Variants in ADORA2B observed in about 807,000 individuals in gnomAD.
The protein encoded by ADORA2B is adenosine receptor A2b.
ADORA2B carries 18 observed loss-of-function variants against 20.8 expected under a neutral mutation model. The observed-to-expected ratio is 0.87, with a 90% CI of 0.60 to 1.29. The LOEUF is 1.29. ADORA2B is among the 50% of genes most tolerant of loss of function. ADORA2B has a pLI of 0.00. For missense variants in ADORA2B, 441 were observed against 422.7 expected (o/e 1.04, Z -0.38); for synonymous variants, 179 against 178.3 (o/e 1.00, Z -0.03).
chr17:15,935,783 G>A, the ADORA2B span, among the ~76,000 whole-genome samples: 76 of 151,146 alleles, frequency 5.0e-4, no homozygotes, highest in East Asian at 0.014. Flanking sequence ...ATTGACCAGT[G>A]CATTCAAGTT....
At chr17:15,914,888 C>A in the ADORA2B span, among the ~76,000 whole-genome samples, 4 of 152,224 alleles carry the variant, frequency 2.6e-5, no homozygotes, top group Admixed American at 2.6e-4. Context: ...TTAGGCAACT[C>A]TCCTCAAAGT....
upstream of ADORA2B, among the ~76,000 whole-genome samples, chr17:15,944,061 C>T (rs531172542): frequency 8.5e-5 from 13 of 152,216 alleles, no homozygotes; most frequent in African/African-American, 2.9e-4. The surrounding 1 kb of genome is among the most constrained non-coding windows in gnomAD (Gnocchi z 4.8). Flanking sequence ...AAGCAAGTCT[C>T]TGGAAGCAGA....
the ADORA2B span, among the ~76,000 whole-genome samples, chr17:15,922,427 A>C: frequency 6.6e-6 from 1 of 152,150 alleles, no homozygotes; most frequent in East Asian, 1.9e-4. Context: ...TTTCTGCTGC[A>C]TGGTATTCTA....
the ADORA2B span, among the ~76,000 whole-genome samples, chr17:15,896,156 G>A: frequency 1.3e-5 from 2 of 152,190 alleles, no homozygotes; most frequent in African/African-American, 4.8e-5. Context: ...CTCAGATACA[G>A]GAAGCCCCTG....
At chr17:15,878,601 G>T in the ADORA2B span, among the ~76,000 whole-genome samples, 2 of 152,058 alleles carry the variant, frequency 1.3e-5, no homozygotes, top group African/African-American at 2.4e-5. Context: ...TATACCTCTT[G>T]TACTTTTTTG....
chr17:15,875,731 T>C, the ADORA2B span, among the ~76,000 whole-genome samples: 2 of 152,262 alleles, frequency 1.3e-5, no homozygotes, highest in East Asian at 1.9e-4. Context: ...TACAGGCACA[T>C]GCCACCACAC....
chr17:15,975,097 G>A lies in ADORA2B; in HGVS notation c.754G>A (p.Ala252Thr). ...TGCCCTGTGCTGGTTACCTGTGCAT[G>A]CTGTTAACTGTGTCACTCTTTTCCA... Reference protein sequence around the residue: ...IFALCWLPVHAVNCVTLFQPA... With the variant: ...IFALCWLPVHTVNCVTLFQPA... Residue 252 changes from alanine (A) to threonine (T), a missense_variant, in exon 2 of 2, where the codon GCT (alanine) becomes ACT (threonine). Transcript: ENST00000304222. 6.2e-7 allele frequency: 1 copy of A among 1,614,152 alleles called. No individual in the cohort carries two copies. Among genetic ancestry groups the A allele is most frequent in the East Asian group, 2.2e-5 (1 of 44,882 alleles).
the ADORA2B span, among the ~76,000 whole-genome samples, chr17:15,888,585 A>C: frequency 7.9e-6 from 1 of 125,950 alleles, no homozygotes; most frequent in Non-Finnish European, 1.6e-5. Context: ...AATCTGTAAC[A>C]TCTTTAACCT....
chr17:15,890,594 A>G, the ADORA2B span, among the ~76,000 whole-genome samples: 1 of 151,842 alleles, frequency 6.6e-6, no homozygotes, highest in Non-Finnish European at 1.5e-5. Context: ...TTTGGTTTTT[A>G]AGCTTAGCCA....
the ADORA2B span, among the ~76,000 whole-genome samples, chr17:15,888,198 G>A: frequency 1.6e-5 from 2 of 128,610 alleles, 1 homozygote; most frequent in African/African-American, 6.7e-5. Context: ...CAGATCAGGT[G>A]TTCTGGTTGC....
chr17:15,906,153 G>A, the ADORA2B span, among the ~76,000 whole-genome samples: 1 of 152,158 alleles, frequency 6.6e-6, no homozygotes, highest in Non-Finnish European at 1.5e-5. Context: ...ATGTTAAATA[G>A]GACAGATGAG....
At chr17:15,928,730 G>C in the ADORA2B span, among the ~76,000 whole-genome samples, 3 of 151,968 alleles carry the variant, frequency 2.0e-5, no homozygotes, top group Non-Finnish European at 4.4e-5. Flanking sequence ...CGTTGTGGAG[G>C]AAGAGATTGG....
chr17:15,898,347 G>A, the ADORA2B span, among the ~76,000 whole-genome samples: 1 of 151,926 alleles, frequency 6.6e-6, no homozygotes, highest in Non-Finnish European at 1.5e-5. Flanking sequence ...AGACTGGAGT[G>A]CAATGGCGCG....
the ADORA2B span, among the ~76,000 whole-genome samples, chr17:15,894,397 G>A: frequency 6.6e-6 from 1 of 152,228 alleles, no homozygotes; most frequent in African/African-American, 2.4e-5. Context: ...GTCAGAAGGT[G>A]GAGGAGGCAG....
the ADORA2B span, among the ~76,000 whole-genome samples, chr17:15,867,067 G>A: frequency 5.3e-5 from 8 of 152,352 alleles, no homozygotes; most frequent in East Asian, 1.9e-4. Flanking sequence ...GATGGCAGAC[G>A]GAGTCGCGTT....
upstream of ADORA2B, among the ~76,000 whole-genome samples, chr17:15,942,756 C>T (rs144326346): frequency 7.9e-5 from 12 of 152,358 alleles, no homozygotes; most frequent in South Asian, 2.1e-4. Context: ...GTGACCTCTG[C>T]GGACTGGCAT....
chr17:15,906,344 T>C, the ADORA2B span, among the ~76,000 whole-genome samples: 3 of 152,376 alleles, frequency 2.0e-5, no homozygotes, highest in Non-Finnish European at 2.9e-5. Flanking sequence ...TATGTAATGC[T>C]TTTTCTTCAT....
the ADORA2B span, among the ~76,000 whole-genome samples, chr17:15,891,599 C>T: frequency 6.6e-6 from 1 of 152,162 alleles, no homozygotes; most frequent in Non-Finnish European, 1.5e-5. Flanking sequence ...GGGAAAACCT[C>T]AGAGAGATCC....
the ADORA2B span, among the ~76,000 whole-genome samples, chr17:15,893,243 C>A: frequency 6.6e-6 from 1 of 152,230 alleles, no homozygotes; most frequent in East Asian, 1.9e-4. Context: ...TCTGAGACTT[C>A]CTTCTATCAA....
Sources: allele counts gnomAD v4.1 joint callset (sites outside exome capture counted in the v4.1 genomes callset), GRCh38; gene constraint gnomAD v4.1.1; non-coding constraint Gnocchi (gnomAD v3.1); transcripts MANE v1.5; gene names NCBI Gene and HGNC (gene_info 2026-07-23, HGNC 2026-07-21).